RERE: variants seen among roughly 807,000 people sequenced by gnomAD.
The protein encoded by RERE is arginine-glutamic acid dipeptide repeats.
In RERE, 40 loss-of-function variants were observed where a neutral mutation model predicts 146.1. The observed-to-expected ratio is 0.27, with a 90% CI of 0.21 to 0.36. The LOEUF (loss-of-function observed/expected upper bound fraction) is 0.36. Among genes scored for constraint, RERE ranks in the 10% least tolerant of loss-of-function variants. RERE has a pLI of 1.00. For missense variants in RERE, 1,933 were observed against 2,138.7 expected (o/e 0.90, Z 1.90); for synonymous variants, 1,003 against 866.0 (o/e 1.16, Z -2.78).
In RERE at chr1:8,360,751, G is replaced by A. The variant is rs1641536074; in HGVS notation, c.2756C>T (p.Pro919Leu). The A allele has an allele frequency of 2.5e-6, 4 of 1,600,670 alleles. No individual in the cohort carries two copies. The highest frequency in any genetic ancestry group is 3.4e-6 in the Non-Finnish European group (4 of 1,176,858). Residue 919 changes from proline (P) to leucine (L), a missense_variant, in exon 18 of 23, where the codon CCA (proline) becomes CTA (leucine). Coordinates refer to ENST00000400908, the MANE Select transcript of RERE (RefSeq NM_001042681.2). The part of the protein sequence containing the change: ...SQQPPREQPL[P>L]PAPLAMPHIK... The stretch of plus-strand genomic sequence containing the variant: ...GTGGGGCATGGCCAAGGGCGCTGGT[G>A]GCAGGGGCTGCTCCCGTGGAGGCTG...
rs1005777768 is a variant in RERE, at chr1:8,416,396, T to G, written c.1284+6331A>C. Reference sequence around the variant, plus strand: ...GTCAGGAGATCGAGACCATCCTGGTTAACATGGTGAAAACCCCGTCTCTAC... The same window carrying G: ...GTCAGGAGATCGAGACCATCCTGGTGAACATGGTGAAAACCCCGTCTCTAC... On this transcript the variant is annotated intron_variant, in intron 12 of 22. Transcript: ENST00000400908. 1.1e-4 allele frequency among the ~76,000 whole-genome samples: 16 copies of G among 152,082 alleles called. No homozygotes were observed. In the East Asian group the frequency reaches 1.6e-3, roughly 15 times the overall value.
intron 11 of RERE, among the ~76,000 whole-genome samples, chr1:8,438,831 CATATCTGG>C (rs1242855401): frequency 1.3e-5 from 2 of 152,162 alleles, no homozygotes; most frequent in Non-Finnish European, 2.9e-5. Flanking sequence ...TTAACTTATA[CATATCTGG>C]ATAGATGATA....
At chr1:8,553,698 T>C (rs1420209453) in intron 6 of RERE, among the ~76,000 whole-genome samples, 1 of 152,262 alleles carries the variant, frequency 6.6e-6, no homozygotes, top group South Asian at 2.1e-4. Flanking sequence ...GGATTATAAT[T>C]ATATACCCAG....
In RERE at chr1:8,365,788, T is replaced by G. The variant is rs370403304; in HGVS notation, c.1447+24A>C. 3.2e-4 allele frequency: 512 copies of G among 1,612,240 alleles called. 1 individual carries two copies. Among genetic ancestry groups the G allele is most frequent in the Non-Finnish European group, 3.8e-4 (450 of 1,178,724 alleles). On this transcript the variant is annotated intron_variant, in intron 13 of 22. Coordinates refer to ENST00000400908, the MANE Select transcript of RERE (RefSeq NM_001042681.2). ...CGTGAACAGTCTCCCCTCCGCCCAC[T>G]GTGATGCCAAGACCCCTACTCACAG...
intron 10 of RERE, among the ~76,000 whole-genome samples, chr1:8,480,171 G>A (rs1355861950): frequency 3.9e-4 from 49 of 127,106 alleles, no homozygotes; most frequent in African/African-American, 1.4e-3. Flanking sequence ...ACACAGTCTC[G>A]CTCTGTTGCC....
intron 4 of RERE, among the ~76,000 whole-genome samples, chr1:8,565,151 T>G (rs1646137653): frequency 6.6e-6 from 1 of 152,102 alleles, no homozygotes; most frequent in Non-Finnish European, 1.5e-5. Context: ...AATGATCGAC[T>G]GCACAACATG....
At chr1:8,722,890 T>C (rs1192451335) in intron 1 of RERE, among the ~76,000 whole-genome samples, 1 of 152,214 alleles carries the variant, frequency 6.6e-6, no homozygotes, top group African/African-American at 2.4e-5. Context: ...CCACGAATAC[T>C]GAGAGAGGAC....
intron 8 of RERE, among the ~76,000 whole-genome samples, chr1:8,500,770 C>T (rs1472373906): frequency 2.2e-4 from 33 of 149,518 alleles, no homozygotes; most frequent in Admixed American, 5.4e-4. Context: ...GCGAGGAGCG[C>T]CTCTTCCCCG....
At chr1:8,607,490 T>C (rs972049048) in intron 4 of RERE, among the ~76,000 whole-genome samples, 8 of 143,434 alleles carry the variant, frequency 5.6e-5, no homozygotes, top group Non-Finnish European at 1.5e-5. Flanking sequence ...TTGCTAAAAA[T>C]AAAGCCTAGG....
intron 1 of RERE, among the ~76,000 whole-genome samples, chr1:8,730,186 A>G (rs1640051791): frequency 6.6e-6 from 1 of 152,258 alleles, no homozygotes; most frequent in African/African-American, 2.4e-5. Flanking sequence ...AATACACAAG[A>G]TGAAATATAA....
intron 1 of RERE, among the ~76,000 whole-genome samples, chr1:8,769,441 G>A (rs1569755500): frequency 6.6e-6 from 1 of 152,244 alleles, no homozygotes; most frequent in East Asian, 1.9e-4. Flanking sequence ...CATTTTTAAA[G>A]TTGTAAAACT....
intron 1 of RERE, among the ~76,000 whole-genome samples, chr1:8,804,108 G>A (rs57695120): frequency 0.026 from 3,936 of 152,108 alleles, 161 homozygotes; most frequent in African/African-American, 0.089. Context: ...TCTCAACAAG[G>A]TCTTTAATCA....
At chr1:8,463,968 A>C (rs1203260043) in intron 11 of RERE, among the ~76,000 whole-genome samples, 1 of 152,264 alleles carries the variant, frequency 6.6e-6, no homozygotes, top group Non-Finnish European at 1.5e-5. Flanking sequence ...TCTTCCACAC[A>C]GGCTTTTCGC....
intron 6 of RERE, among the ~76,000 whole-genome samples, chr1:8,555,614 A>C (rs1645998365): frequency 1.3e-5 from 2 of 152,224 alleles, no homozygotes; most frequent in Non-Finnish European, 2.9e-5. Flanking sequence ...TACTTAACAA[A>C]AAAAAAGTAG....
intron 1 of RERE, among the ~76,000 whole-genome samples, chr1:8,788,890 G>T (rs1269883390): frequency 6.6e-6 from 1 of 151,140 alleles, no homozygotes; most frequent in East Asian, 1.9e-4. Flanking sequence ...AGATGGCTCG[G>T]GGGAGTACAG....
intron 16 of RERE, 124 bp downstream of exon 16, chr1:8,362,559 T>C (rs973491973): frequency 7.0e-6 from 9 of 1,291,014 alleles, no homozygotes; most frequent in East Asian, 5.0e-5. Context: ...AATGCTGGTG[T>C]CCAGACAGGC....
chr1:8,778,801 G>A (rs1641113807), intron 1 of RERE, among the ~76,000 whole-genome samples: 1 of 151,228 alleles, frequency 6.6e-6, no homozygotes, highest in Non-Finnish European at 1.5e-5. Context: ...ATGCCACTGT[G>A]ACCTTGTCTC....
intron 10 of RERE, among the ~76,000 whole-genome samples, chr1:8,471,235 TCTTTC>T (rs1308358884): frequency 6.6e-6 from 1 of 152,206 alleles, no homozygotes; most frequent in Non-Finnish European, 1.5e-5. Context: ...AGGACATCTT[TCTTTC>T]CTTCGACACA....
chr1:8,687,269 A>G (rs1639112121), intron 1 of RERE, among the ~76,000 whole-genome samples: 1 of 152,184 alleles, frequency 6.6e-6, no homozygotes, highest in Non-Finnish European at 1.5e-5. Context: ...TGGTCTATAC[A>G]CAAGCAGTGG....
Sources: allele counts gnomAD v4.1 joint callset (sites outside exome capture counted in the v4.1 genomes callset), GRCh38; gene constraint gnomAD v4.1.1; transcripts MANE v1.5; gene names NCBI Gene and HGNC (gene_info 2026-07-23, HGNC 2026-07-21).